ARHGAP24: variants seen among roughly 807,000 people sequenced by gnomAD.
The protein encoded by ARHGAP24 is rho GTPase-activating protein 24.
A neutral mutation model predicts 76.4 loss-of-function variants in ARHGAP24; 50 were observed. The ratio of observed to expected loss-of-function variants is 0.65; its 90% CI spans 0.52 to 0.83. The LOEUF is 0.83. Among genes scored for constraint, ARHGAP24 ranks in the 40% least tolerant of loss-of-function variants. ARHGAP24 has a pLI of 0.00. For synonymous variants in ARHGAP24, 345 were observed against 323.3 expected (o/e 1.07, Z -0.72); for missense variants, 930 against 914.2 (o/e 1.02, Z -0.22).
At chr4:85,878,315 C>A (rs1418594270) in intron 3 of ARHGAP24, among the ~76,000 whole-genome samples, 1 of 152,018 alleles carries the variant, frequency 6.6e-6, no homozygotes, top group Non-Finnish European at 1.5e-5. Flanking sequence ...GTTGTGAATA[C>A]CCCATAATGA....
At chr4:85,938,558 A>G (rs1414026432) in intron 4 of ARHGAP24, among the ~76,000 whole-genome samples, 4 of 152,132 alleles carry the variant, frequency 2.6e-5, no homozygotes, top group Non-Finnish European at 5.9e-5. Context: ...CACATCTACC[A>G]TTTTAAGCCA....
At chr4:85,890,721 A>G (rs1225479041) in intron 3 of ARHGAP24, among the ~76,000 whole-genome samples, 1 of 152,190 alleles carries the variant, frequency 6.6e-6, no homozygotes, top group East Asian at 1.9e-4. Flanking sequence ...GGGACTGGAA[A>G]TGTGTTAGAA....
At chr4:85,792,511 C>A (rs1294323579) in intron 3 of ARHGAP24, among the ~76,000 whole-genome samples, 1 of 151,980 alleles carries the variant, frequency 6.6e-6, no homozygotes, top group African/African-American at 2.4e-5. Context: ...ATTGCAATAG[C>A]TCTTAAAATT....
chr4:85,658,244 G>A (rs1722245375), intron 2 of ARHGAP24, among the ~76,000 whole-genome samples: 1 of 152,040 alleles, frequency 6.6e-6, no homozygotes. Flanking sequence ...CCTGGGATCT[G>A]CCTTCCCACT....
intron 1 of ARHGAP24, among the ~76,000 whole-genome samples, chr4:85,550,325 T>C (rs972673927): frequency 6.6e-6 from 1 of 152,224 alleles, no homozygotes; most frequent in Non-Finnish European, 1.5e-5. Context: ...TTGCTTGTTT[T>C]TGTCAACTTT....
chr4:85,708,766 A>G (rs1391872140), intron 2 of ARHGAP24, among the ~76,000 whole-genome samples: 7 of 152,308 alleles, frequency 4.6e-5, no homozygotes, highest in African/African-American at 1.7e-4. Flanking sequence ...GATAAAACAG[A>G]GCTCAAATCG....
intron 2 of ARHGAP24, among the ~76,000 whole-genome samples, chr4:85,662,277 G>A (rs1156443820): frequency 6.6e-6 from 1 of 151,936 alleles, no homozygotes. Context: ...GTGATGGTGA[G>A]CATTTTTTCA....
intron 2 of ARHGAP24, among the ~76,000 whole-genome samples, chr4:85,640,862 T>A (rs1356009723): frequency 1.3e-5 from 2 of 152,156 alleles, no homozygotes; most frequent in Non-Finnish European, 2.9e-5. Flanking sequence ...AATTGAAGGA[T>A]AATTCAAAAA....
chr4:85,970,793 A>C (rs540271458), intron 5 of ARHGAP24, among the ~76,000 whole-genome samples: 3 of 151,892 alleles, frequency 2.0e-5, no homozygotes, highest in African/African-American at 7.2e-5. Context: ...GTTCACTACT[A>C]CTCTTCCCGG....
chr4:85,946,629 G>T (rs1737283212), intron 5 of ARHGAP24, among the ~76,000 whole-genome samples: 1 of 152,168 alleles, frequency 6.6e-6, no homozygotes. Flanking sequence ...ATGGTTTCCA[G>T]CTGCATCTAT....
rs116309831 is a variant in ARHGAP24, at chr4:85,595,405, T to C, written c.180+24684T>C. On this transcript the variant is annotated intron_variant, in intron 2 of 9. Coordinates refer to ENST00000395184, the MANE Select transcript of ARHGAP24 (RefSeq NM_001025616.3). Reference sequence around the variant, plus strand: ...TCAGGTGGTATTTATAGTTATCTGGTAGGCATGAGGCAAAGTGGCAAACTT... The same window carrying C: ...TCAGGTGGTATTTATAGTTATCTGGCAGGCATGAGGCAAAGTGGCAAACTT... 5.4e-3 allele frequency among the ~76,000 whole-genome samples: 827 copies of C among 152,200 alleles called. 8 individuals carry two copies. The highest frequency in any genetic ancestry group is 0.019 in the African/African-American group (784 of 41,546).
At chr4:85,568,278 T>A (rs1036924272) in intron 1 of ARHGAP24, among the ~76,000 whole-genome samples, 1 of 148,086 alleles carries the variant, frequency 6.8e-6, no homozygotes, top group African/African-American at 2.5e-5. Context: ...TGTTGTGCAA[T>A]GAATTCTAGA....
chr4:85,758,225 G>A (rs546456684), intron 3 of ARHGAP24, among the ~76,000 whole-genome samples: 3 of 152,298 alleles, frequency 2.0e-5, no homozygotes, highest in South Asian at 4.1e-4. Context: ...TCAATGCCAA[G>A]GAACGTATCA....
At chr4:85,946,332 A>G (rs138010206) in intron 5 of ARHGAP24, among the ~76,000 whole-genome samples, 37 of 152,208 alleles carry the variant, frequency 2.4e-4, no homozygotes, top group African/African-American at 7.5e-4. Flanking sequence ...CTTCTGTTTT[A>G]CTTTTTTCCA....
At chr4:85,656,067 T>C (rs1490993891) in intron 2 of ARHGAP24, among the ~76,000 whole-genome samples, 5 of 152,148 alleles carry the variant, frequency 3.3e-5, no homozygotes, top group Non-Finnish European at 7.3e-5. Flanking sequence ...TGCCTACAGC[T>C]ATTGCAACTT....
chr4:85,819,781 G>A (rs1372353835), intron 3 of ARHGAP24, among the ~76,000 whole-genome samples: 5 of 152,170 alleles, frequency 3.3e-5, no homozygotes, highest in Middle Eastern at 3.4e-3. Flanking sequence ...TTAGCTGGGC[G>A]TGGTGGTACG....
chr4:85,603,452 G>A (rs78846724), intron 2 of ARHGAP24, among the ~76,000 whole-genome samples: 2,372 of 152,152 alleles, frequency 0.016, 53 homozygotes, highest in African/African-American at 0.054. Flanking sequence ...TGTTTCTTAA[G>A]TTTTCCAAAG....
At chr4:85,952,848 A>G (rs902108154) in intron 5 of ARHGAP24, among the ~76,000 whole-genome samples, 3 of 152,226 alleles carry the variant, frequency 2.0e-5, no homozygotes, top group Non-Finnish European at 2.9e-5. Flanking sequence ...AACAGATATC[A>G]TAGTTTCTAA....
chr4:85,707,540 T>A (rs1031350565), intron 2 of ARHGAP24, among the ~76,000 whole-genome samples: 1 of 152,216 alleles, frequency 6.6e-6, no homozygotes, highest in Middle Eastern at 3.2e-3. Context: ...AGACTTTAGA[T>A]CCTCAGAAAC....
Sources: gnomAD v4.1 joint callset for allele counts (sites outside exome capture counted in the v4.1 genomes callset) on GRCh38, gnomAD v4.1.1 for gene constraint, MANE v1.5 for transcripts, NCBI Gene and HGNC (gene_info 2026-07-23, HGNC 2026-07-21) for gene names.